The following GRIN2A variants were observed in gnomAD, a reference collection of about 807,000 sequenced individuals.
The protein encoded by GRIN2A is glutamate ionotropic receptor NMDA type subunit 2A.
GRIN2A carries 22 observed loss-of-function variants against 113.4 expected under a neutral mutation model. That is an observed-to-expected ratio of 0.19 (90% CI 0.14 to 0.28). The LOEUF is 0.28. Among genes scored for constraint, GRIN2A ranks in the 10% least tolerant of loss-of-function variants. The pLI, the probability that GRIN2A is intolerant of heterozygous loss-of-function variation, is 1.00. For synonymous variants in GRIN2A, 827 were observed against 738.4 expected (o/e 1.12, Z -1.94); for missense variants, 1,502 against 1,887.0 (o/e 0.80, Z 3.78).
intron 4 of GRIN2A, among the ~76,000 whole-genome samples, chr16:9,864,906 C>T (rs1429475655): frequency 6.6e-6 from 1 of 152,090 alleles, no homozygotes; most frequent in Non-Finnish European, 1.5e-5. Flanking sequence ...GGGGTTGGTG[C>T]CTGAGGCCCT....
At chr16:10,036,003 C>T (rs775858838) in intron 2 of GRIN2A, among the ~76,000 whole-genome samples, 5 of 152,178 alleles carry the variant, frequency 3.3e-5, no homozygotes, top group Admixed American at 6.5e-5. Flanking sequence ...GGATTACAGG[C>T]GTAAGCCACC....
chr16:9,987,168 GT>G (rs1567218565), intron 2 of GRIN2A, among the ~76,000 whole-genome samples: 1 of 152,132 alleles, frequency 6.6e-6, no homozygotes, highest in Non-Finnish European at 1.5e-5. Context: ...AGCATGTCTG[GT>G]CCCTGCAACC....
At chr16:10,165,454 T>A (rs1010752046) in intron 2 of GRIN2A, among the ~76,000 whole-genome samples, 1 of 149,018 alleles carries the variant, frequency 6.7e-6, no homozygotes, top group African/African-American at 2.5e-5. Flanking sequence ...TACTTGTATA[T>A]TAGCTGTGAT....
chr16:9,977,233 A>C (rs968965566), intron 2 of GRIN2A, among the ~76,000 whole-genome samples: 1 of 145,100 alleles, frequency 6.9e-6, no homozygotes, highest in Non-Finnish European at 1.5e-5. Flanking sequence ...CCAAGGCTGC[A>C]GTGAGCCATG....
chr16:9,860,214 G>A (rs1044247045), intron 4 of GRIN2A, among the ~76,000 whole-genome samples: 8 of 151,914 alleles, frequency 5.3e-5, no homozygotes, highest in Non-Finnish European at 8.8e-5. Flanking sequence ...CCAGCACTTC[G>A]GGAAGCTGAG....
chr16:10,051,858 T>C (rs1271552497), intron 2 of GRIN2A, among the ~76,000 whole-genome samples: 4 of 152,200 alleles, frequency 2.6e-5, no homozygotes, highest in Non-Finnish European at 5.9e-5. Flanking sequence ...AGCTCAGACA[T>C]TTAAGCAGAA....
In GRIN2A at chr16:9,938,167, G is replaced by A. The variant is rs780286303; in HGVS notation, c.799C>T (p.Leu267Phe). 2 of 1,614,116 alleles carry A rather than the reference G, an allele frequency of 1.2e-6. No individual in the cohort carries two copies. The highest frequency in any genetic ancestry group is 1.1e-5 in the South Asian group (1 of 91,090). ...CCCGATGGAAACTCTTTTGGGATGA[G>A]CTCCGTGTTCCCAGAGACCAAGCTG... ...VPSLVSGNTE[L>F]IPKEFPSGLI... is the part of the protein sequence containing the mutation. Residue 267 changes from leucine to phenylalanine, a missense_variant, in exon 3 of 13, where the codon CTC (leucine) becomes TTC (phenylalanine). Leu to Phe is a conservative substitution (Grantham distance 22). This residue lies in a region of GRIN2A where 334 missense variants were observed against 403.0 expected (regional missense o/e 0.83). Coordinates refer to ENST00000330684, the MANE Select transcript of GRIN2A (RefSeq NM_001134407.3).
chr16:9,887,788 G>A (rs193234850), intron 4 of GRIN2A, among the ~76,000 whole-genome samples: 290 of 152,296 alleles, frequency 1.9e-3, no homozygotes, highest in Admixed American at 7.4e-3. Context: ...GGCCAGGCGC[G>A]TGGCTCACGC....
At chr16:10,092,639 C>A (rs72774182) in intron 2 of GRIN2A, among the ~76,000 whole-genome samples, 1 of 152,132 alleles carries the variant, frequency 6.6e-6, no homozygotes, top group African/African-American at 2.4e-5. Context: ...CATAACAACT[C>A]TATGAGGTCA....
intron 7 of GRIN2A, 34 bp from the exon 8 acceptor site, chr16:9,834,264 G>A: frequency 6.2e-7 from 1 of 1,611,960 alleles, no homozygotes. Flanking sequence ...TGGAAACGTG[G>A]TTAGTTATCT....
At chr16:9,818,467 C>A (rs1477572418) in intron 10 of GRIN2A, among the ~76,000 whole-genome samples, 1 of 150,942 alleles carries the variant, frequency 6.6e-6, no homozygotes, top group East Asian at 1.9e-4. Context: ...ATATATTTCA[C>A]TACAAAAAAG....
At chr16:9,837,259 C>T (rs1249487182) in intron 7 of GRIN2A, among the ~76,000 whole-genome samples, 1 of 152,072 alleles carries the variant, frequency 6.6e-6, no homozygotes. Flanking sequence ...AAATATTAAG[C>T]CTACTGGGTA....
At chr16:10,056,768 A>G (rs2047463453) in intron 2 of GRIN2A, among the ~76,000 whole-genome samples, 1 of 152,192 alleles carries the variant, frequency 6.6e-6, no homozygotes. Flanking sequence ...ACCAGAAGTT[A>G]GAAGATGCAG....
At chr16:10,086,658 T>C (rs1398889091) in intron 2 of GRIN2A, among the ~76,000 whole-genome samples, 1 of 147,260 alleles carries the variant, frequency 6.8e-6, no homozygotes, top group Non-Finnish European at 1.5e-5. Flanking sequence ...TGGCTACATA[T>C]CTACCTGGGA....
intron 4 of GRIN2A, among the ~76,000 whole-genome samples, chr16:9,871,476 A>G (rs1470247799): frequency 6.6e-6 from 1 of 152,060 alleles, no homozygotes; most frequent in African/African-American, 2.4e-5. Flanking sequence ...TGCCATTTAA[A>G]AGTCTAGAAG....
At chr16:9,996,816 A>G (rs1023811892) in intron 2 of GRIN2A, among the ~76,000 whole-genome samples, 1 of 152,206 alleles carries the variant, frequency 6.6e-6, no homozygotes, top group African/African-American at 2.4e-5. Context: ...GGGGATTTCA[A>G]ACCAGGACTC....
At chr16:10,136,952 T>C (rs2049206219) in intron 2 of GRIN2A, among the ~76,000 whole-genome samples, 1 of 152,194 alleles carries the variant, frequency 6.6e-6, no homozygotes, top group South Asian at 2.1e-4. Flanking sequence ...TTAAATTAAG[T>C]GACTGCTTAA....
At chr16:9,899,092 TG>T (rs1282030839) in intron 3 of GRIN2A, among the ~76,000 whole-genome samples, 2 of 152,108 alleles carry the variant, frequency 1.3e-5, no homozygotes, top group Non-Finnish European at 2.9e-5. Context: ...GGTGGTTTCC[TG>T]TTCCCCGTGA....
At chr16:9,885,540 A>C (rs993952225) in intron 4 of GRIN2A, among the ~76,000 whole-genome samples, 1 of 152,146 alleles carries the variant, frequency 6.6e-6, no homozygotes, top group Non-Finnish European at 1.5e-5. Flanking sequence ...GCCTGGAAAA[A>C]AGCAAGTGCC....
Sources: gnomAD v4.1 joint callset for allele counts (sites outside exome capture counted in the v4.1 genomes callset) on GRCh38, gnomAD v4.1.1 for gene constraint, gnomAD v4.1.1 regional missense constraint, MANE v1.5 for transcripts, NCBI Gene and HGNC (gene_info 2026-07-23, HGNC 2026-07-21) for gene names.